Variants in PHF20 observed in about 807,000 individuals in gnomAD.
PHF20 encodes glioma-expressed antigen 2.
In PHF20, 23 loss-of-function variants were observed where a neutral mutation model predicts 113.5. The observed-to-expected ratio is 0.20, with a 90% CI of 0.15 to 0.29. The LOEUF (loss-of-function observed/expected upper bound fraction) is 0.29. Among genes scored for constraint, PHF20 ranks in the 10% least tolerant of loss-of-function variants. PHF20 has a pLI of 1.00. For missense variants in PHF20, 943 were observed against 1,219.6 expected (o/e 0.77, Z 3.38); for synonymous variants, 434 against 457.3 (o/e 0.95, Z 0.65).
intron 2 of PHF20, among the ~76,000 whole-genome samples, chr20:35,826,525 A>G (rs1214862415): frequency 6.6e-6 from 1 of 152,202 alleles, no homozygotes; most frequent in Non-Finnish European, 1.5e-5. Context: ...AAATTAAAGA[A>G]TGAGAAGATT....
intron 1 of PHF20, among the ~76,000 whole-genome samples, chr20:35,785,566 C>G (rs868285289): frequency 1.3e-5 from 2 of 151,756 alleles, no homozygotes; most frequent in African/African-American, 4.8e-5. Flanking sequence ...GTGATCCTCC[C>G]GCCTCAGCCT....
chr20:35,846,844 G>A (rs1328177567), intron 3 of PHF20, among the ~76,000 whole-genome samples: 13 of 152,252 alleles, frequency 8.5e-5, no homozygotes, highest in Admixed American at 6.5e-4. Flanking sequence ...AAGAAAAGAG[G>A]TTTGTTTAGC....
intron 2 of PHF20, among the ~76,000 whole-genome samples, chr20:35,807,350 CTT>C (rs35614615): frequency 0.042 from 5,177 of 122,022 alleles, 72 homozygotes; most frequent in African/African-American, 0.078. Flanking sequence ...ATGAATGGAT[CTT>C]TTTTTTTTTT....
intron 15 of PHF20, among the ~76,000 whole-genome samples, chr20:35,935,864 G>A (rs1036461328): frequency 2.6e-5 from 4 of 152,246 alleles, no homozygotes; most frequent in Non-Finnish European, 5.9e-5. Flanking sequence ...GGTCTCTGTT[G>A]TCATGGGCTC....
intron 2 of PHF20, among the ~76,000 whole-genome samples, chr20:35,826,252 C>T (rs1463095834): frequency 6.6e-6 from 1 of 152,138 alleles, no homozygotes; most frequent in African/African-American, 2.4e-5. Context: ...CCATGTTGGC[C>T]AGGCCGGGCT....
intron 1 of PHF20, among the ~76,000 whole-genome samples, chr20:35,779,751 C>G (rs916017087): frequency 2.6e-5 from 4 of 152,074 alleles, no homozygotes; most frequent in African/African-American, 9.7e-5. Flanking sequence ...GAACTCCTGA[C>G]CTCAAGTGAT....
intron 6 of PHF20, 105 bp downstream of exon 6, chr20:35,863,505 C>A: frequency 1.7e-6 from 2 of 1,193,788 alleles, no homozygotes; most frequent in Non-Finnish European, 2.3e-6. Flanking sequence ...ATTTTTGTGA[C>A]TGATTTTGAA....
chr20:35,933,503 T>C (rs1278885070), intron 15 of PHF20, among the ~76,000 whole-genome samples: 1 of 152,016 alleles, frequency 6.6e-6, no homozygotes, highest in East Asian at 1.9e-4. Flanking sequence ...TTCACGCCAT[T>C]CTCCTGCCTC....
At chr20:35,803,936 C>T (rs1451736904) in intron 2 of PHF20, among the ~76,000 whole-genome samples, 3 of 151,886 alleles carry the variant, frequency 2.0e-5, no homozygotes, top group Middle Eastern at 3.4e-3. Flanking sequence ...TTCACTGTGG[C>T]CTCCAACTCC....
At position 35,949,258 on chromosome 20, in the gene PHF20, G is replaced by C. The variant is rs34977741; in HGVS notation, c.*1631G>C. 6.6e-6 allele frequency: 1 copy of C among 152,424 alleles called. No individual in the cohort carries two copies. Among genetic ancestry groups the C allele is most frequent in the Non-Finnish European group, 1.5e-5 (1 of 68,042 alleles). 9.4% of individuals were successfully genotyped at this position (152,424 alleles called of 1,614,324 possible). Reference sequence around the variant, plus strand: ...CTGGCGTGGGAAGAAATGCACAGGCGTGCATGGCATGCACGTTCAGACAGC... The same window carrying C: ...CTGGCGTGGGAAGAAATGCACAGGCCTGCATGGCATGCACGTTCAGACAGC... On this transcript the variant is annotated 3_prime_UTR_variant, in exon 18 of 18. Coordinates refer to ENST00000374012, the MANE Select transcript of PHF20 (RefSeq NM_016436.5).
At position 35,772,679 on chromosome 20, in the gene PHF20, C is replaced by T. The variant is rs1479674859; in HGVS notation, c.-33+600C>T. On this transcript the variant is annotated intron_variant, in intron 1 of 17. Transcript: ENST00000374012. ...CTCCCCCCCCCAAATTTAGGGCGTA[C>T]CCTCTTCCGTCAGCCCCCAAAGTGG... 2.6e-5 allele frequency among the ~76,000 whole-genome samples: 4 copies of T among 151,686 alleles called. No homozygotes were observed. The East Asian group carries it at 7.8e-4, about 29-fold the overall frequency.
Position 35,863,005 on chromosome 20 carries a change from C to A in PHF20, c.421-8C>A. 2 of 1,546,168 alleles carry A rather than the reference C, an allele frequency of 1.3e-6. No individual in the cohort carries two copies. The highest frequency in any genetic ancestry group is 2.5e-5 in the South Asian group (2 of 80,476). On this transcript the variant is annotated splice_polypyrimidine_tract_variant and splice_region_variant and intron_variant, in intron 5 of 17. Coordinates refer to ENST00000374012, the MANE Select transcript of PHF20 (RefSeq NM_016436.5). ...CGAAGTGTTTCATCGCTATTTTGCT[C>A]ATTTTAGAATATTGTGGGTAATGCT...
At chr20:35,825,064 G>A (rs1258572111) in intron 2 of PHF20, among the ~76,000 whole-genome samples, 1 of 152,128 alleles carries the variant, frequency 6.6e-6, no homozygotes, top group Non-Finnish European at 1.5e-5. Flanking sequence ...TACATCATAT[G>A]GGTATATACC....
chr20:35,793,101 AT>A (rs2041590691), intron 1 of PHF20, among the ~76,000 whole-genome samples: 1 of 152,120 alleles, frequency 6.6e-6, no homozygotes, highest in South Asian at 2.1e-4. Context: ...AAAATTGTTT[AT>A]GCTTTCTTGG....
At chr20:35,776,483 ATCTAT>A (rs1338144414) in intron 1 of PHF20, among the ~76,000 whole-genome samples, 1 of 152,182 alleles carries the variant, frequency 6.6e-6, no homozygotes, top group African/African-American at 2.4e-5. Context: ...CACATGTCTA[ATCTAT>A]TCTAAGTCTC....
At chr20:35,810,795 T>G (rs1484986561) in intron 2 of PHF20, among the ~76,000 whole-genome samples, 1 of 152,220 alleles carries the variant, frequency 6.6e-6, no homozygotes, top group Non-Finnish European at 1.5e-5. Context: ...TCTAGAGTAC[T>G]GGACATTTAA....
intron 2 of PHF20, among the ~76,000 whole-genome samples, chr20:35,817,775 G>A (rs117393581): frequency 0.039 from 5,942 of 151,982 alleles, 213 homozygotes; most frequent in South Asian, 0.2. Flanking sequence ...CATCCTGGGT[G>A]ACAGAGTGAT....
intron 1 of PHF20, among the ~76,000 whole-genome samples, chr20:35,788,543 T>C (rs1016209061): frequency 1.3e-5 from 2 of 151,960 alleles, no homozygotes; most frequent in Non-Finnish European, 2.9e-5. Flanking sequence ...GCCTCTTTTC[T>C]GTTTTTATTT....
intron 2 of PHF20, among the ~76,000 whole-genome samples, chr20:35,811,203 C>T (rs1414247840): frequency 2.0e-5 from 3 of 151,856 alleles, no homozygotes; most frequent in African/African-American, 7.3e-5. Context: ...TGCGTCACCA[C>T]GCCCAGCTAA....
Sources: gnomAD v4.1 joint callset for allele counts (sites outside exome capture counted in the v4.1 genomes callset) on GRCh38, gnomAD v4.1.1 for gene constraint, MANE v1.5 for transcripts, NCBI Gene and HGNC (gene_info 2026-07-23, HGNC 2026-07-21) for gene names.